The following CUX1 variants were observed in gnomAD, a reference collection of about 807,000 sequenced individuals.
CUX1 encodes the protein protein CASP.
CUX1 carries 31 observed loss-of-function variants against 158.8 expected under a neutral mutation model. That is an observed-to-expected ratio of 0.20 (90% confidence interval 0.15 to 0.26). The LOEUF is 0.26. Among genes scored for constraint, CUX1 ranks in the 10% least tolerant of loss-of-function variants. The pLI is 1.00. For missense variants in CUX1, 1,589 were observed against 2,014.6 expected (o/e 0.79, Z 4.04); for synonymous variants, 879 against 862.1 (o/e 1.02, Z -0.34).
At chr7:102,044,663 A>AT (rs1321816546) in intron 3 of CUX1, among the ~76,000 whole-genome samples, 1 of 151,974 alleles carries the variant, frequency 6.6e-6, no homozygotes, top group Admixed American at 6.6e-5. Flanking sequence ...TCTTAGCTGA[A>AT]TTTCCCCCTG....
At chr7:102,181,051 C>T (rs1250077206) in intron 11 of CUX1, among the ~76,000 whole-genome samples, 3 of 151,898 alleles carry the variant, frequency 2.0e-5, no homozygotes, top group African/African-American at 7.3e-5. Flanking sequence ...AAGTGATTCT[C>T]CTGCCTCTGC....
In CUX1 at chr7:102,096,705, TAAAC is replaced by T. The variant is rs200377699; in HGVS notation, c.269-643_269-640del. ...TGGGCGACAGAGTGAGACCCTGTCTTAAACAAACAAACAAACAAAAAAGCATGAT... is the reference window on the plus strand; with the variant it reads ...TGGGCGACAGAGTGAGACCCTGTCTTAAACAAACAAACAAAAAAGCATGAT... On this transcript the variant is annotated intron_variant, in intron 4 of 23. Coordinates refer to ENST00000292535, the MANE Select transcript of CUX1 (RefSeq NM_181552.4). Among the ~76,000 whole-genome samples, 1,134 of 152,178 alleles carry T rather than the reference TAAAC, an allele frequency of 7.5e-3. 4 individuals are homozygous for T. The highest frequency in any genetic ancestry group is 0.012 in the Non-Finnish European group (787 of 67,984).
chr7:102,005,367 T>A lies in CUX1; in HGVS notation c.142-22731T>A, dbSNP rs537282144. Among the ~76,000 whole-genome samples, 6 of 152,332 alleles carry A rather than the reference T, an allele frequency of 3.9e-5. No homozygotes were observed. The East Asian group carries it at 1.2e-3, about 29-fold the overall frequency. ...TTGTTTTGTTGAGACAGGGTCTTGCTCCATCATCCAGGCTGGAGTGCAGTA... is the reference window on the plus strand; with the variant it reads ...TTGTTTTGTTGAGACAGGGTCTTGCACCATCATCCAGGCTGGAGTGCAGTA... On this transcript the variant is annotated intron_variant, in intron 2 of 23. Transcript: ENST00000292535.
At position 102,028,118 on chromosome 7, in the gene CUX1, G is replaced by T. The variant is rs374397164; in HGVS notation, c.162G>T (p.Ala54=). The change falls in exon 3 of 24, where the codon GCG becomes GCT. Residue 54 remains alanine, a synonymous_variant. Transcript: ENST00000292535. The part of the protein sequence containing the change: ...NTPEDLRKQV[A]PLLKSFQGEI... ...TCCAGGATTTGCGCAAGCAGGTAGC[G>T]CCGCTGCTGAAGAGTTTCCAAGGAG... is the stretch of plus-strand genomic sequence containing the variant. 24 of 1,612,460 alleles carry T rather than the reference G, an allele frequency of 1.5e-5. No homozygotes were observed. The highest frequency in any genetic ancestry group is 2.0e-5 in the Non-Finnish European group (24 of 1,180,018).
Position 101,909,927 on chromosome 7 carries a change from CT to C in CUX1, c.31-6178del, listed in dbSNP as rs569186659. On this transcript the variant is annotated intron_variant, in intron 1 of 23. Transcript: ENST00000292535. The stretch of plus-strand genomic sequence containing the variant: ...TTAAAACAAACAACTGACAATTACA[CT>C]TTTTTTTTTGAGACAGAGTCTCGCT... Among the ~76,000 whole-genome samples, 13 of 150,254 alleles carry C rather than the reference CT, an allele frequency of 8.7e-5. No homozygotes were observed. In the East Asian group the frequency reaches 1.6e-3, roughly 18 times the overall value.
intron 2 of CUX1, among the ~76,000 whole-genome samples, chr7:101,944,460 G>T (rs1026061306): frequency 2.0e-4 from 30 of 152,204 alleles, no homozygotes; most frequent in African/African-American, 7.0e-4. Context: ...CCTGGCTCAC[G>T]CGGGAGACGC....
intron 1 of CUX1, among the ~76,000 whole-genome samples, chr7:101,893,034 T>TG (rs1251529234): frequency 6.6e-6 from 1 of 152,030 alleles, no homozygotes; most frequent in Non-Finnish European, 1.5e-5. Context: ...TTCTTGTATT[T>TG]GGGGGGCAGG....
chr7:102,112,983 A>G (rs1831087122), intron 7 of CUX1, among the ~76,000 whole-genome samples: 2 of 152,238 alleles, frequency 1.3e-5, no homozygotes, highest in Admixed American at 6.5e-5. Flanking sequence ...ACAAATGACG[A>G]GAGTGGGAGA....
chr7:102,172,244 A>G (rs1466625100), intron 10 of CUX1, among the ~76,000 whole-genome samples: 2 of 151,812 alleles, frequency 1.3e-5, no homozygotes, highest in Non-Finnish European at 2.9e-5. Flanking sequence ...GGCGCATACC[A>G]CCATGCCCAG....
At chr7:102,148,581 C>G (rs569358788) in intron 8 of CUX1, among the ~76,000 whole-genome samples, 2 of 151,194 alleles carry the variant, frequency 1.3e-5, no homozygotes, top group African/African-American at 4.9e-5. Flanking sequence ...CAAAGAAATG[C>G]CCATCTTTTA....
chr7:102,161,939 A>G (rs1243625513), intron 9 of CUX1, among the ~76,000 whole-genome samples: 2 of 152,166 alleles, frequency 1.3e-5, no homozygotes, highest in Non-Finnish European at 2.9e-5. Context: ...AAGCCACAGT[A>G]TAAGGAAAAC....
intron 1 of CUX1, among the ~76,000 whole-genome samples, chr7:101,879,337 C>T (rs1799480445): frequency 6.6e-6 from 1 of 151,966 alleles, no homozygotes; most frequent in African/African-American, 2.4e-5. Flanking sequence ...TCTGTCAGAT[C>T]TCCCCTGTAC....
intron 8 of CUX1, among the ~76,000 whole-genome samples, chr7:102,145,443 A>T (rs1834929413): frequency 6.6e-6 from 1 of 151,486 alleles, no homozygotes; most frequent in South Asian, 2.1e-4. Context: ...GGTGTCAGGT[A>T]CTGGAAGTGA....
At chr7:102,017,510 C>T (rs528135785) in intron 2 of CUX1, among the ~76,000 whole-genome samples, 16 of 152,126 alleles carry the variant, frequency 1.1e-4, no homozygotes, top group Admixed American at 4.6e-4. Flanking sequence ...CTGTCTCATT[C>T]ACTGCTCGTA....
Position 102,257,039 on chromosome 7 carries a change from C to CG in CUX1, c.*7997_*7998insG, listed in dbSNP as rs1789972799. ...GAAGGTTGGGTGTGGAGATTGCTTG[C>CG]TGTGGCCCCAAGCTCAGCCAGCAGG... On this transcript the variant is annotated 3_prime_UTR_variant, in exon 24 of 24. Transcript: ENST00000292535. 1 of 985,388 alleles carries CG rather than the reference C, an allele frequency of 1.0e-6. No homozygotes were observed. Among genetic ancestry groups the CG allele is most frequent in the African/African-American group, 1.7e-5 (1 of 57,312 alleles). 61.0% of individuals were successfully genotyped at this position (985,388 alleles called of 1,614,324 possible).
intron 23 of CUX1, among the ~76,000 whole-genome samples, chr7:102,242,246 C>T (rs1158399005): frequency 5.6e-5 from 7 of 123,920 alleles, no homozygotes; most frequent in African/African-American, 1.8e-4. Context: ...GAGCCTTGCT[C>T]TGTCACCCAG....
chr7:101,824,147 G>A (rs1321079022), intron 1 of CUX1, among the ~76,000 whole-genome samples: 1 of 152,148 alleles, frequency 6.6e-6, no homozygotes, highest in Non-Finnish European at 1.5e-5. Context: ...GAGTGCAGTG[G>A]CACAAACTCC....
At chr7:102,264,257 C>T (rs913611591) in intron 14 of CUX1, among the ~76,000 whole-genome samples, 12 of 152,094 alleles carry the variant, frequency 7.9e-5, no homozygotes, top group African/African-American at 2.2e-4. Flanking sequence ...CCACCCGCCT[C>T]GGCCTCCCAA....
chr7:102,046,769 T>A lies in CUX1; in HGVS notation c.189+18624T>A, dbSNP rs1050369755. Reference sequence around the variant, plus strand: ...TTTTTGCATTTTTTTTTTGAAGAGATGAGGGCTTGCTACGTTGCCCAAGAC... The same window carrying A: ...TTTTTGCATTTTTTTTTTGAAGAGAAGAGGGCTTGCTACGTTGCCCAAGAC... On this transcript the variant is annotated intron_variant, in intron 3 of 23. Coordinates refer to ENST00000292535, the MANE Select transcript of CUX1 (RefSeq NM_181552.4). 1.4e-4 allele frequency among the ~76,000 whole-genome samples: 21 copies of A among 151,374 alleles called. 1 individual carries two copies. The highest frequency in any genetic ancestry group is 3.2e-3 in the Middle Eastern group (1 of 316).
Sources: gnomAD v4.1 joint callset for allele counts (sites outside exome capture counted in the v4.1 genomes callset) on GRCh38, gnomAD v4.1.1 for gene constraint, MANE v1.5 for transcripts, NCBI Gene and HGNC (gene_info 2026-07-23, HGNC 2026-07-21) for gene names.